NBEA: variants seen among roughly 807,000 people sequenced by gnomAD.
NBEA encodes lysosomal-trafficking regulator 2.
Under a neutral mutation model 343.4 loss-of-function variants are expected in NBEA, and 44 were observed. That is an observed-to-expected ratio of 0.13 (90% CI 0.10 to 0.16). NBEA has a LOEUF of 0.16. Ranked by LOEUF, NBEA falls within the 10% of genes least tolerant of loss-of-function variation. The pLI, the probability that NBEA is intolerant of heterozygous loss-of-function variation, is 1.00. For missense variants in NBEA, 2,555 were observed against 3,631.3 expected, an observed-to-expected ratio of 0.70 and a Z score of 7.62; for synonymous variants, 1,175 against 1,238.7, an observed-to-expected ratio of 0.95 and a Z score of 1.08.
chr13:35,317,582 A>G (rs771719711), intron 36 of NBEA, among the ~76,000 whole-genome samples: 1 of 152,194 alleles, frequency 6.6e-6, no homozygotes, highest in Non-Finnish European at 1.5e-5. Flanking sequence ...TGTCTTGGCT[A>G]TACGGGCTCT....
intron 41 of NBEA, among the ~76,000 whole-genome samples, chr13:35,502,825 A>G (rs918189661): frequency 3.3e-5 from 5 of 152,172 alleles, no homozygotes; most frequent in South Asian, 2.1e-4. Flanking sequence ...AAAAGAGTCC[A>G]TAACACAGCT....
intron 41 of NBEA, among the ~76,000 whole-genome samples, chr13:35,482,774 A>G (rs1166637849): frequency 6.6e-6 from 1 of 151,658 alleles, no homozygotes; most frequent in Non-Finnish European, 1.5e-5. Context: ...GTATTCCATG[A>G]TTTTTCCATA....
At chr13:35,042,425 T>C (rs2062687522) in intron 2 of NBEA, among the ~76,000 whole-genome samples, 1 of 151,864 alleles carries the variant, frequency 6.6e-6, no homozygotes, top group African/African-American at 2.4e-5. Context: ...ACATGTTTTA[T>C]AGAATATCAT....
chr13:35,581,464 GTGT>G (rs1483008650), intron 45 of NBEA, among the ~76,000 whole-genome samples: 1 of 151,774 alleles, frequency 6.6e-6, no homozygotes, highest in Non-Finnish European at 1.5e-5. Context: ...CTTTTTGATG[GTGT>G]TGTTTGTTTT....
intron 1 of NBEA, among the ~76,000 whole-genome samples, chr13:34,962,594 G>A (rs548802424): frequency 1.4e-4 from 21 of 152,012 alleles, no homozygotes; most frequent in Non-Finnish European, 2.9e-4. Flanking sequence ...GTTGGAGTTT[G>A]TTTTAAGTAC....
At chr13:35,524,945 A>G (rs975228169) in intron 41 of NBEA, among the ~76,000 whole-genome samples, 3 of 152,204 alleles carry the variant, frequency 2.0e-5, no homozygotes, top group Non-Finnish European at 4.4e-5. Flanking sequence ...GACATAGTGT[A>G]TTCTGGTCCC....
intron 38 of NBEA, among the ~76,000 whole-genome samples, chr13:35,423,026 T>C (rs2044399722): frequency 6.6e-6 from 1 of 152,198 alleles, no homozygotes; most frequent in African/African-American, 2.4e-5. Context: ...TTGTTTAAGT[T>C]CTTTGTAGAT....
At chr13:35,059,743 C>CAT (rs71078077) in intron 8 of NBEA, among the ~76,000 whole-genome samples, 52,738 of 145,532 alleles carry the variant, frequency 0.36, 9,878 homozygotes, top group East Asian at 0.49. Flanking sequence ...CTTTGTATGT[C>CAT]ATATATATAT....
intron 45 of NBEA, among the ~76,000 whole-genome samples, 162 bp from the exon 46 acceptor site, chr13:35,583,735 AT>A (rs2081161871): frequency 6.6e-6 from 1 of 152,226 alleles, no homozygotes; most frequent in Admixed American, 6.5e-5. Context: ...ATGATTTGTA[AT>A]TAATATCAAA....
At chr13:35,143,644 A>G (rs1271241353) in intron 18 of NBEA, among the ~76,000 whole-genome samples, 1 of 152,194 alleles carries the variant, frequency 6.6e-6, no homozygotes, top group Non-Finnish European at 1.5e-5. Flanking sequence ...TCATCATTGT[A>G]GATTTCTTTA....
At chr13:35,203,838 G>A (rs918309440) in intron 31 of NBEA, among the ~76,000 whole-genome samples, 1 of 152,172 alleles carries the variant, frequency 6.6e-6, no homozygotes, top group Non-Finnish European at 1.5e-5. Context: ...CAACCTTGGA[G>A]TGTGTATAGA....
rs1214804670 is a variant in NBEA at position 35,106,832 on chromosome 13, G to A, written c.1681-2458G>A. 2.6e-5 allele frequency among the ~76,000 whole-genome samples: 4 copies of A among 151,428 alleles called. No individual in the cohort carries two copies. In the East Asian group the frequency reaches 7.8e-4, roughly 29 times the overall value. ...TTCTAGTATACCTTTTAATATCATG[G>A]TCCAAGTTCCAAACTTGTTTCTATA... On this transcript the variant is annotated intron_variant, in intron 11 of 58. Coordinates refer to ENST00000379939, the MANE Select transcript of NBEA (RefSeq NM_001385012.1).
At chr13:35,117,134 G>A (rs2066536280) in intron 13 of NBEA, among the ~76,000 whole-genome samples, 1 of 151,054 alleles carries the variant, frequency 6.6e-6, no homozygotes, top group Admixed American at 6.6e-5. Context: ...AAATACTTGG[G>A]GATTATACAT....
chr13:35,337,815 G>C (rs2039352836), intron 36 of NBEA, among the ~76,000 whole-genome samples: 1 of 151,932 alleles, frequency 6.6e-6, no homozygotes, highest in African/African-American at 2.4e-5. Context: ...ATCAGTAAGA[G>C]AAGGAAATTT....
intron 41 of NBEA, among the ~76,000 whole-genome samples, chr13:35,504,719 A>G (rs1418357112): frequency 6.6e-6 from 1 of 151,582 alleles, no homozygotes; most frequent in Non-Finnish European, 1.5e-5. Flanking sequence ...TGTAGCCTTG[A>G]CCTCCTGGGA....
chr13:35,417,428 A>G (rs2043987696), intron 38 of NBEA, among the ~76,000 whole-genome samples: 1 of 152,032 alleles, frequency 6.6e-6, no homozygotes. Flanking sequence ...AGATTCTGCT[A>G]TGTTGTGTCT....
At chr13:35,595,170 G>A (rs2081728752) in intron 47 of NBEA, among the ~76,000 whole-genome samples, 1 of 151,870 alleles carries the variant, frequency 6.6e-6, no homozygotes, top group Non-Finnish European at 1.5e-5. Context: ...AATTCTCCCA[G>A]AAATTTTCCT....
In NBEA at chr13:35,196,148, A is replaced by G. The variant is rs746447172; in HGVS notation, c.5212A>G (p.Thr1738Ala). The G allele has an allele frequency of 6.2e-7, 1 of 1,613,698 alleles. No homozygotes were observed. The highest frequency in any genetic ancestry group is 8.5e-7 in the Non-Finnish European group (1 of 1,179,742). ...AACATCCATATCTAGCATTAGTCAA[A>G]CCAAAGGCATCAATGTGAAGGAAAT... ...PATSISSISQ[T>A]KGINVKEILK... Residue 1738 changes from threonine to alanine, a missense_variant, in exon 31 of 59, where the codon ACC becomes GCC. By Grantham distance (58) the Thr-to-Ala change is moderately conservative. Coordinates refer to ENST00000379939, the MANE Select transcript of NBEA (RefSeq NM_001385012.1).
chr13:34,952,195 C>T (rs1489032205), intron 1 of NBEA, among the ~76,000 whole-genome samples: 1 of 152,038 alleles, frequency 6.6e-6, no homozygotes, highest in Non-Finnish European at 1.5e-5. Context: ...GAAATTATCC[C>T]AAAAACAGCA....
Sources: gnomAD v4.1 joint callset for allele counts (sites outside exome capture counted in the v4.1 genomes callset) on GRCh38, gnomAD v4.1.1 for gene constraint, MANE v1.5 for transcripts, NCBI Gene and HGNC (gene_info 2026-07-23, HGNC 2026-07-21) for gene names.